The following PLCH1 variants were observed in gnomAD, a reference collection of about 807,000 sequenced individuals.
PLCH1 encodes the protein phospholipase C eta 1, also known as 1-phosphatidylinositol 4,5-bisphosphate phosphodiesterase eta-1.
PLCH1 carries 60 observed loss-of-function variants against 126.7 expected under a neutral mutation model. The ratio of observed to expected loss-of-function variants is 0.47; its 90% CI spans 0.38 to 0.59. The LOEUF (loss-of-function observed/expected upper bound fraction) is 0.59, where lower values mean the gene tolerates loss of function less well. PLCH1 is among the 20% of genes least tolerant of loss of function. PLCH1 has a pLI of 0.00. For missense variants in PLCH1, 1,723 were observed against 2,040.0 expected (o/e 0.84, Z 2.99); for synonymous variants, 719 against 734.9 (o/e 0.98, Z 0.35).
chr3:155,706,407 G>C (rs1292749542), intron 1 of PLCH1, among the ~76,000 whole-genome samples: 1 of 151,616 alleles, frequency 6.6e-6, no homozygotes, highest in Non-Finnish European at 1.5e-5. Context: ...AGATCACGAG[G>C]TCAGGAGTTC....
intron 6 of PLCH1, among the ~76,000 whole-genome samples, chr3:155,578,243 T>TA (rs1351631775): frequency 6.6e-6 from 1 of 152,244 alleles, no homozygotes; most frequent in Non-Finnish European, 1.5e-5. Flanking sequence ...CTACCTGTCT[T>TA]ACGGCTAACA....
In PLCH1 at chr3:155,568,226, T is replaced by C; in HGVS notation, c.865+5A>G. On this transcript the variant is annotated splice_donor_5th_base_variant and intron_variant, in intron 7 of 22. Transcript: ENST00000460012. Reference sequence around the variant, plus strand: ...ATGAGAAATAAAGAATATTGGTTATTTTACCTTCTATGCCAAGAACATTTT... The same window carrying C: ...ATGAGAAATAAAGAATATTGGTTATCTTACCTTCTATGCCAAGAACATTTT... The C allele has an allele frequency of 2.4e-6, 3 of 1,234,636 alleles. No homozygotes were observed. Among genetic ancestry groups the C allele is most frequent in the Non-Finnish European group, 3.6e-6 (3 of 841,380 alleles). 76.5% of individuals were successfully genotyped at this position (1,234,636 alleles called of 1,614,324 possible). A position where few individuals can be genotyped will look rare whatever the true frequency, so the allele number is the denominator to read the frequency against.
chr3:155,608,286 T>C (rs1734602543), intron 2 of PLCH1, among the ~76,000 whole-genome samples: 1 of 152,174 alleles, frequency 6.6e-6, no homozygotes, highest in Admixed American at 6.5e-5. Context: ...CTGAACTTTA[T>C]AATAATTTCG....
intron 12 of PLCH1, among the ~76,000 whole-genome samples, chr3:155,510,311 C>T (rs1167224743): frequency 3.8e-5 from 3 of 78,790 alleles, no homozygotes; most frequent in South Asian, 5.5e-4. Context: ...GTTTATCCAA[C>T]TTGCCAGTCT....
intron 1 of PLCH1, among the ~76,000 whole-genome samples, chr3:155,721,904 G>A (rs1458053759): frequency 2.6e-5 from 4 of 151,944 alleles, no homozygotes; most frequent in African/African-American, 4.8e-5. Context: ...AAAATTAGCC[G>A]GGCATGGTGG....
chr3:155,591,247 C>G (rs1319393450), intron 4 of PLCH1, among the ~76,000 whole-genome samples: 1 of 152,172 alleles, frequency 6.6e-6, no homozygotes, highest in Non-Finnish European at 1.5e-5. Flanking sequence ...ACTGCTCTTC[C>G]TTCTTTGCTA....
chr3:155,689,337 T>C (rs1218690008), intron 2 of PLCH1, among the ~76,000 whole-genome samples: 1 of 152,090 alleles, frequency 6.6e-6, no homozygotes, highest in Non-Finnish European at 1.5e-5. Flanking sequence ...CCGTGAAGAC[T>C]ACAATAAACA....
chr3:155,535,849 A>G (rs1382348941), intron 10 of PLCH1, among the ~76,000 whole-genome samples: 2 of 152,172 alleles, frequency 1.3e-5, no homozygotes, highest in Admixed American at 6.5e-5. Flanking sequence ...CTGGAGGATA[A>G]CCAACAACTA....
intron 1 of PLCH1, among the ~76,000 whole-genome samples, chr3:155,718,032 C>T (rs2109126357): frequency 6.6e-6 from 1 of 152,306 alleles, no homozygotes; most frequent in Non-Finnish European, 1.5e-5. Flanking sequence ...GCAGCCAGGT[C>T]ACAACTTGAA....
At chr3:155,650,145 A>G (rs1740545180) in intron 2 of PLCH1, among the ~76,000 whole-genome samples, 1 of 152,138 alleles carries the variant, frequency 6.6e-6, no homozygotes, top group Non-Finnish European at 1.5e-5. Flanking sequence ...AAATGTGTAC[A>G]GCTTTATAGC....
rs1446005567 is a variant in PLCH1 at position 155,485,353 on chromosome 3, T to C, written c.2974+3A>G. 1 of 1,587,462 alleles carries C rather than the reference T, an allele frequency of 6.3e-7. No individual in the cohort carries two copies. The highest frequency in any genetic ancestry group is 8.6e-7 in the Non-Finnish European group (1 of 1,157,638). ...ATTCTCAGAGAAACTTAAAGCATCT[T>C]ACCTAGAGAGTTTTCTTTTCCTTCA... On this transcript the variant is annotated splice_donor_region_variant and intron_variant, in intron 22 of 22. Coordinates refer to ENST00000460012, the MANE Select transcript of PLCH1 (RefSeq NM_014996.4).
chr3:155,652,424 A>G (rs1322028800), intron 2 of PLCH1, among the ~76,000 whole-genome samples: 2 of 152,226 alleles, frequency 1.3e-5, no homozygotes, highest in African/African-American at 2.4e-5. Flanking sequence ...ACATCCAGTC[A>G]CAATAGGTTA....
At chr3:155,505,343 T>G (rs554020450) in intron 12 of PLCH1, among the ~76,000 whole-genome samples, 1 of 152,276 alleles carries the variant, frequency 6.6e-6, no homozygotes, top group Admixed American at 6.5e-5. Context: ...TAACAGAAAG[T>G]CCACCTGCTA....
intron 2 of PLCH1, among the ~76,000 whole-genome samples, chr3:155,698,086 T>G (rs1745973503): frequency 6.6e-6 from 1 of 152,152 alleles, no homozygotes; most frequent in South Asian, 2.1e-4. Context: ...TAAAATGGAC[T>G]GGACACTTAA....
chr3:155,689,594 T>A (rs1745214896), intron 2 of PLCH1, among the ~76,000 whole-genome samples: 2 of 151,894 alleles, frequency 1.3e-5, no homozygotes, highest in Admixed American at 6.6e-5. Context: ...TTGAAATAAT[T>A]AAAAAGAACC....
intron 2 of PLCH1, among the ~76,000 whole-genome samples, chr3:155,659,187 T>A (rs1053986135): frequency 2.6e-5 from 4 of 152,022 alleles, no homozygotes; most frequent in Non-Finnish European, 4.4e-5. Context: ...AAATTCCTAG[T>A]TCGTCAGGAC....
intron 2 of PLCH1, among the ~76,000 whole-genome samples, 187 bp downstream of exon 2, chr3:155,703,959 C>T (rs1205741264): frequency 6.6e-6 from 1 of 152,164 alleles, no homozygotes; most frequent in African/African-American, 2.4e-5. Context: ...TGAGGTGGGG[C>T]CCATTCCTTA....
intron 19 of PLCH1, among the ~76,000 whole-genome samples, chr3:155,489,633 C>T (rs1313446428): frequency 6.6e-6 from 1 of 152,106 alleles, no homozygotes; most frequent in East Asian, 1.9e-4. Flanking sequence ...GGCATATTTT[C>T]ACAGCTACTG....
chr3:155,496,407 T>C (rs1240982547), intron 15 of PLCH1, among the ~76,000 whole-genome samples: 1 of 152,094 alleles, frequency 6.6e-6, no homozygotes, highest in Non-Finnish European at 1.5e-5. Flanking sequence ...TGCTCTCACA[T>C]GTGAAATTCA....
Sources: gnomAD v4.1 joint callset for allele counts (sites outside exome capture counted in the v4.1 genomes callset) on GRCh38, gnomAD v4.1.1 for gene constraint, MANE v1.5 for transcripts, NCBI Gene and HGNC (gene_info 2026-07-23, HGNC 2026-07-21) for gene names.